The following TMEM143 variants were observed in gnomAD, a reference collection of about 807,000 sequenced individuals.
The protein encoded by TMEM143 is transmembrane protein 143.
TMEM143 carries 45 observed loss-of-function variants against 40.3 expected under a neutral mutation model. That is an observed-to-expected ratio of 1.12 (90% CI 0.88 to 1.43). TMEM143 has a LOEUF of 1.43. Ranked by LOEUF, TMEM143 falls within the 40% of genes most tolerant of loss-of-function variation. TMEM143 has a pLI of 0.00. For missense variants in TMEM143, 620 were observed against 613.4 expected, an observed-to-expected ratio of 1.01 and a Z score of -0.11; for synonymous variants, 299 against 282.7, an observed-to-expected ratio of 1.06 and a Z score of -0.58.
chr19:48,343,090 C>G (rs996409630), intron 5 of TMEM143: 1 of 703,808 alleles, frequency 1.4e-6, no homozygotes, highest in African/African-American at 1.8e-5. Context: ...CTCAGTTTTC[C>G]TTATTGGAAA....
At chr19:48,350,493 G>A (rs1212548999) in intron 3 of TMEM143, among the ~76,000 whole-genome samples, 2 of 152,042 alleles carry the variant, frequency 1.3e-5, no homozygotes, top group East Asian at 3.9e-4. Flanking sequence ...ACCATCACTG[G>A]GGAGAGCATC....
intron 6 of TMEM143, among the ~76,000 whole-genome samples, chr19:48,340,214 C>T (rs1221222336): frequency 2.1e-5 from 3 of 146,294 alleles, no homozygotes; most frequent in Non-Finnish European, 4.5e-5. Context: ...GCAACCTCTG[C>T]CCCCTGGGTT....
chr19:48,342,932 A>C, intron 5 of TMEM143, 123 bp from the exon 6 acceptor site: 1 of 1,213,274 alleles, frequency 8.2e-7, no homozygotes, highest in Non-Finnish European at 1.1e-6. Flanking sequence ...CGACTCAGTA[A>C]TCATGGGGAA....
In TMEM143 at chr19:48,360,128, C is replaced by A. The variant is rs143735444; in HGVS notation, c.313G>T (p.Ala105Ser). ...AACAGGGTGCAGAAGTCCACGTGGG[C>A]CGAGAACGCCTCCAAAGCCGCCTTC... ...AEKAALEAFS[A>S]HVDFCTLFHY... The change falls in exon 3 of 8, where the codon GCC becomes TCC. Residue 105 changes from alanine to serine, a missense_variant. Physicochemically the swap from Ala to Ser is moderately conservative, Grantham distance 99. Transcript: ENST00000293261. 624 of 1,614,042 alleles carry A rather than the reference C, an allele frequency of 3.9e-4. 1 individual carries two copies. Among genetic ancestry groups the A allele is most frequent in the Middle Eastern group, 1.3e-3 (8 of 6,082 alleles).
rs781114290 is a variant in TMEM143 at position 48,333,189 on chromosome 19, C to T, written c.*30G>A. On this transcript the variant is annotated 3_prime_UTR_variant, in exon 8 of 8. Transcript: ENST00000293261. This position sits in a 1 kb window ranked among gnomAD's most constrained non-coding sequence, Gnocchi z 4.1. ...AAGGAGGCGGGGCTTAGTTCCTAGC[C>T]TGCTGACTGGGCAGGGAGGTAGGTT... 7.1e-7 allele frequency: 1 copy of T among 1,409,814 alleles called. No homozygotes were observed. Among genetic ancestry groups the T allele is most frequent in the Non-Finnish European group, 9.4e-7 (1 of 1,065,572 alleles). The allele number at this position is 1,409,814 out of a possible 1,614,324, so 87.3% of individuals were successfully genotyped here.
intron 6 of TMEM143, among the ~76,000 whole-genome samples, chr19:48,341,172 C>T (rs1382570744): frequency 2.6e-5 from 4 of 152,228 alleles, no homozygotes; most frequent in Admixed American, 6.5e-5. Flanking sequence ...CTCCTGGGGC[C>T]GGTGCCAACC....
intron 3 of TMEM143, among the ~76,000 whole-genome samples, chr19:48,348,262 C>T (rs1969689436): frequency 6.6e-6 from 1 of 152,182 alleles, no homozygotes; most frequent in East Asian, 1.9e-4. Flanking sequence ...AACTTCACAT[C>T]CTCCCAGGGC....
At position 48,343,331 on chromosome 19, in the gene TMEM143, G is replaced by T. The variant is rs1168313744; in HGVS notation, c.685C>A (p.Pro229Thr). The part of the protein sequence containing the change: ...SRRGFFTKLP[P>T]AERRYFKRVV... ...CAAGGGCCGCCTCACCTCTCCGCAG[G>T]GGGCAGCTTGGTGAAGAAGCCACGC... The change falls in exon 5 of 8, where the codon CCT becomes ACT. Residue 229 changes from proline to threonine, a missense_variant. Pro to Thr is a conservative substitution (Grantham distance 38, BLOSUM62 -1). Transcript: ENST00000293261. The T allele has an allele frequency of 6.2e-7, 1 of 1,610,798 alleles. No individual in the cohort carries two copies. Among genetic ancestry groups the T allele is most frequent in the Non-Finnish European group, 8.5e-7 (1 of 1,179,278 alleles).
At position 48,334,096 on chromosome 19, in the gene TMEM143, C is replaced by T. The variant is rs756419370; in HGVS notation, c.1077G>A (p.Leu359=). ...NNSELLSALA[L]RAQDEHTKEA... is the part of the protein sequence containing the mutation. ...CCTTGGTGTGCTCGTCCTGCGCGCG[C>T]AGGGCCAGGGCGCTGAGCAGCTCCG... The change falls in exon 7 of 8, where the codon CTG becomes CTA. Residue 359 remains leucine (L), a synonymous_variant. Coordinates refer to ENST00000293261, the MANE Select transcript of TMEM143 (RefSeq NM_018273.4). 8.8e-6 allele frequency: 14 copies of T among 1,594,520 alleles called. No individual in the cohort carries two copies. Among genetic ancestry groups the T allele is most frequent in the African/African-American group, 2.7e-5 (2 of 74,498 alleles).
At chr19:48,344,254 T>C (rs962231469) in intron 4 of TMEM143, among the ~76,000 whole-genome samples, 1 of 151,920 alleles carries the variant, frequency 6.6e-6, no homozygotes, top group African/African-American at 2.4e-5. Flanking sequence ...TTTTTTTTCT[T>C]TTTTAATGTG....
chr19:48,357,349 CTTTTTTTT>C (rs1195099137), intron 3 of TMEM143, among the ~76,000 whole-genome samples: 1 of 74,836 alleles, frequency 1.3e-5, no homozygotes, highest in Non-Finnish European at 2.4e-5. Context: ...GTCTATCTTT[CTTTTTTTT>C]TTTTTTTTTT....
chr19:48,358,779 C>A (rs189650263), intron 3 of TMEM143, among the ~76,000 whole-genome samples: 120 of 152,356 alleles, frequency 7.9e-4, no homozygotes, highest in Admixed American at 7.3e-3. Flanking sequence ...GTTCCCTACA[C>A]TGCAGCCAGA....
intron 2 of TMEM143, among the ~76,000 whole-genome samples, chr19:48,361,217 ATTTCC>A (rs902339124): frequency 1.4e-5 from 2 of 146,162 alleles, no homozygotes; most frequent in African/African-American, 5.0e-5. Flanking sequence ...ACATTGAACC[ATTTCC>A]TTTTTTTTTT....
intron 3 of TMEM143, among the ~76,000 whole-genome samples, chr19:48,352,460 C>A (rs1255978477): frequency 9.0e-6 from 1 of 111,002 alleles, no homozygotes; most frequent in Non-Finnish European, 1.9e-5. Context: ...TGTGCCACCA[C>A]GCACAGTTAA....
At chr19:48,351,415 C>T (rs936184092) in intron 3 of TMEM143, among the ~76,000 whole-genome samples, 5 of 152,192 alleles carry the variant, frequency 3.3e-5, no homozygotes, top group Non-Finnish European at 7.4e-5. Flanking sequence ...CTCCCCGCCC[C>T]GTCCCCATCC....
At chr19:48,355,591 T>G (rs985177066) in intron 3 of TMEM143, among the ~76,000 whole-genome samples, 4 of 152,206 alleles carry the variant, frequency 2.6e-5, no homozygotes, top group African/African-American at 9.6e-5. Flanking sequence ...AACAAGGGGC[T>G]GTGATGGCCA....
chr19:48,334,615 C>T (rs11880317), intron 6 of TMEM143, among the ~76,000 whole-genome samples: 67,905 of 134,530 alleles, frequency 0.5, 17,982 homozygotes, highest in Middle Eastern at 0.63. Context: ...AGGGTCTCGC[C>T]CTGTAGCCCA....
chr19:48,350,865 T>C (rs973760117), intron 3 of TMEM143, among the ~76,000 whole-genome samples: 2 of 127,166 alleles, frequency 1.6e-5, no homozygotes, highest in African/African-American at 3.1e-5. Flanking sequence ...GAGGTTGCAG[T>C]GAGCCAACAC....
Position 48,363,379 on chromosome 19 carries a change from T to C in TMEM143, c.176A>G (p.Asn59Ser). 6.2e-7 allele frequency: 1 copy of C among 1,613,906 alleles called. No homozygotes were observed. Among genetic ancestry groups the C allele is most frequent in the East Asian group, 2.2e-5 (1 of 44,860 alleles). The change falls in exon 2 of 8, where the codon AAC (asparagine) becomes AGC (serine). Residue 59 changes from asparagine (N) to serine (S), a missense_variant. Physicochemically the swap from Asn to Ser is conservative, Grantham distance 46. Coordinates refer to ENST00000293261, the MANE Select transcript of TMEM143 (RefSeq NM_018273.4). ...GGCCCAGTCGCGGGGCTCCCTGGGGTTCCACATCTTGCGATACTCCCCCAT... is the reference window on the plus strand; with the variant it reads ...GGCCCAGTCGCGGGGCTCCCTGGGGCTCCACATCTTGCGATACTCCCCCAT... ...AKMGEYRKMW[N>S]PREPRDWAQQ...
Sources: gnomAD v4.1 joint callset for allele counts (sites outside exome capture counted in the v4.1 genomes callset) on GRCh38, gnomAD v4.1.1 for gene constraint, Gnocchi (gnomAD v3.1) non-coding constraint, MANE v1.5 for transcripts, NCBI Gene and HGNC (gene_info 2026-07-23, HGNC 2026-07-21) for gene names.